The following RET variants were observed in gnomAD, a reference collection of about 807,000 sequenced individuals.
The protein encoded by RET is proto-oncogene tyrosine-protein kinase receptor Ret.
A neutral mutation model predicts 118.3 loss-of-function variants in RET; 19 were observed. The observed-to-expected ratio is 0.16, with a 90% CI of 0.11 to 0.24. RET has a LOEUF of 0.24. Among genes scored for constraint, RET ranks in the 10% least tolerant of loss-of-function variants. The pLI is 1.00. For missense variants in RET, 1,219 were observed against 1,502.1 expected (o/e 0.81, Z 3.12); for synonymous variants, 597 against 644.1 (o/e 0.93, Z 1.11).
intron 15 of RET, 108 bp from the exon 16 acceptor site, chr10:43,121,838 A>C: frequency 1.2e-6 from 1 of 821,932 alleles, no homozygotes; most frequent in Non-Finnish European, 2.2e-6. Context: ...TGTCTACAGC[A>C]CTCCTCTGGT....
Position 43,111,407 on chromosome 10 carries a change from C to T in RET, c.1464C>T (p.Thr488=), listed in dbSNP as rs921948385. The change falls in exon 7 of 20, where the codon ACC becomes ACT. Residue 488 remains threonine (T), a synonymous_variant. Transcript: ENST00000355710. ...CAELHYMVVA[T]DQQTSRQAQA... is the part of the protein sequence containing the mutation. ...AACTTCACTACATGGTGGTGGCCAC[C>T]GACCAGCAGACCTCTAGGCAGGCCC... 1.6e-5 allele frequency: 26 copies of T among 1,613,756 alleles called. No individual in the cohort carries two copies. The Admixed American group carries it at 2.3e-4, about 14-fold the overall frequency.
At chr10:43,090,676 T>G (rs535945960) in intron 1 of RET, among the ~76,000 whole-genome samples, 6 of 152,256 alleles carry the variant, frequency 3.9e-5, no homozygotes, top group Admixed American at 1.3e-4. Flanking sequence ...TATTTATTTC[T>G]TATTATATTT....
chr10:43,126,212 G>C (rs538776628), intron 18 of RET, among the ~76,000 whole-genome samples: 1 of 152,360 alleles, frequency 6.6e-6, no homozygotes, highest in African/African-American at 2.4e-5. Context: ...GGCTGGTTCC[G>C]TGCTGCCCAT....
chr10:43,091,579 C>T (rs568744972), intron 1 of RET, among the ~76,000 whole-genome samples: 1 of 149,682 alleles, frequency 6.7e-6, no homozygotes, highest in South Asian at 2.1e-4. Context: ...TGCAGTTAGC[C>T]GAGATCGTGC....
chr10:43,126,978 C>T, intron 19 of RET: 4 of 1,395,966 alleles, frequency 2.9e-6, no homozygotes, highest in Non-Finnish European at 3.7e-6. Context: ...GAGGAAAAAA[C>T]AGATCAGGGC....
rs1588872141 is a variant in RET at position 43,112,156 on chromosome 10, A to T, written c.1580A>T (p.Glu527Val). The change falls in exon 8 of 20, where the codon GAG (glutamate) becomes GTG (valine). Residue 527 changes from glutamate (E) to valine (V), a missense_variant. Coordinates refer to ENST00000355710, the MANE Select transcript of RET (RefSeq NM_020975.6). ...LSCAVSKRRL[E>V]CEECGGLGSP... ...TGTGCAGTCAGCAAGAGACGGCTGGAGTGTGAGGAGTGTGGCGGCCTGGGC... is the reference window on the plus strand; with the variant it reads ...TGTGCAGTCAGCAAGAGACGGCTGGTGTGTGAGGAGTGTGGCGGCCTGGGC... 1 of 1,587,686 alleles carries T rather than the reference A, an allele frequency of 6.3e-7. No individual in the cohort carries two copies. The highest frequency in any genetic ancestry group is 8.6e-7 in the Non-Finnish European group (1 of 1,166,886).
intron 5 of RET, among the ~76,000 whole-genome samples, chr10:43,107,598 CA>C (rs1564492682): frequency 4.6e-5 from 7 of 150,972 alleles, no homozygotes; most frequent in African/African-American, 7.4e-5. Context: ...CACACACACA[CA>C]CACCCTGTTA....
intron 6 of RET, 69 bp downstream of exon 6, chr10:43,109,299 A>G (rs1294477600): frequency 2.7e-6 from 4 of 1,498,142 alleles, no homozygotes; most frequent in Non-Finnish European, 3.6e-6. Context: ...ACAGGGAGGC[A>G]GGTGACACTG....
At chr10:43,085,254 G>A (rs1341198326) in intron 1 of RET, among the ~76,000 whole-genome samples, 1 of 152,198 alleles carries the variant, frequency 6.6e-6, no homozygotes, top group East Asian at 1.9e-4. Flanking sequence ...ACAGAGCCAG[G>A]GAAGCCAAGT....
chr10:43,109,282 T>C (rs1317949507), intron 6 of RET, 52 bp downstream of exon 6: 17 of 1,572,778 alleles, frequency 1.1e-5, no homozygotes, highest in Non-Finnish European at 1.4e-5. Flanking sequence ...CCAAGGGACA[T>C]GGGGGCACAG....
rs2132841422 is a variant in RET, at chr10:43,114,419, C to T, written c.1880-61C>T. The stretch of plus-strand genomic sequence containing the variant: ...GAGCCATGAGGCAGAGCATACGCAG[C>T]CTGTACCCAGTGGTGCCGAGCCTCT... On this transcript the variant is annotated intron_variant, in intron 10 of 19. Transcript: ENST00000355710. The surrounding 1 kb of genome is among the most constrained non-coding windows in gnomAD (Gnocchi z 4.6). 2 of 1,597,584 alleles carry T rather than the reference C, an allele frequency of 1.3e-6. No individual in the cohort carries two copies. Among genetic ancestry groups the T allele is most frequent in the South Asian group, 2.2e-5 (2 of 90,552 alleles).
chr10:43,099,561 A>AAAT (rs1837592177), intron 1 of RET, among the ~76,000 whole-genome samples: 2 of 143,270 alleles, frequency 1.4e-5, no homozygotes, highest in South Asian at 2.2e-4. Context: ...AATAAATAAA[A>AAAT]ATTACATAGA....
rs199921699 is a variant in RET at position 43,106,584 on chromosome 10, G to A, written c.1063+13G>A. The A allele has an allele frequency of 3.7e-6, 6 of 1,612,388 alleles. No homozygotes were observed. The highest frequency in any genetic ancestry group is 2.7e-5 in the African/African-American group (2 of 74,990). On this transcript the variant is annotated intron_variant, in intron 5 of 19. Coordinates refer to ENST00000355710, the MANE Select transcript of RET (RefSeq NM_020975.6). This position sits in a 1 kb window ranked among gnomAD's most constrained non-coding sequence, Gnocchi z 5.1. ...GTACATGACTATAGTAAGAGGGGCT[G>A]GTGGCACGGCCTGGCTAGGCCCCCA...
chr10:43,126,422 T>G (rs1838329432), intron 18 of RET, among the ~76,000 whole-genome samples, 153 bp from the exon 19 acceptor site: 1 of 152,168 alleles, frequency 6.6e-6, no homozygotes, highest in African/African-American at 2.4e-5. Flanking sequence ...GGGAGCTCTA[T>G]GCAGCCTGGC....
chr10:43,103,320 G>A (rs1837683431), intron 3 of RET, among the ~76,000 whole-genome samples: 1 of 152,166 alleles, frequency 6.6e-6, no homozygotes, highest in Admixed American at 6.5e-5. Context: ...GGAAGGTTCA[G>A]GGGCGAAGCT....
chr10:43,120,024 C>G (rs2132956655), intron 14 of RET, 57 bp from the exon 15 acceptor site: 2 of 1,605,940 alleles, frequency 1.2e-6, no homozygotes, highest in Non-Finnish European at 1.7e-6. Flanking sequence ...CCAGGCTGAG[C>G]CAGTGACCGC....
chr10:43,079,431 C>A (rs1032693871), intron 1 of RET, among the ~76,000 whole-genome samples: 29 of 152,196 alleles, frequency 1.9e-4, no homozygotes, highest in Admixed American at 6.5e-4. Context: ...GTGAGAGAAC[C>A]TCCATCTAAA....
intron 13 of RET, 139 bp downstream of exon 13, chr10:43,118,619 C>A: frequency 1.3e-6 from 1 of 747,282 alleles, no homozygotes; most frequent in Non-Finnish European, 2.3e-6. Flanking sequence ...AAGCCTGGCT[C>A]AGGCCCCAGC....
intron 5 of RET, among the ~76,000 whole-genome samples, chr10:43,108,434 C>T (rs928497156): frequency 2.0e-5 from 3 of 152,210 alleles, no homozygotes; most frequent in African/African-American, 4.8e-5. Context: ...AGAGTCCGAT[C>T]TGTCAGTCTT....
Sources: gnomAD v4.1 joint callset for allele counts (sites outside exome capture counted in the v4.1 genomes callset) on GRCh38, gnomAD v4.1.1 for gene constraint, Gnocchi (gnomAD v3.1) non-coding constraint, MANE v1.5 for transcripts, NCBI Gene and HGNC (gene_info 2026-07-23, HGNC 2026-07-21) for gene names.